The following TSPEAR variants were observed in gnomAD, a reference collection of about 807,000 sequenced individuals.
TSPEAR encodes the protein thrombospondin-type laminin G domain and EAR repeat-containing protein.
TSPEAR carries 69 observed loss-of-function variants against 71.6 expected under a neutral mutation model. That is an observed-to-expected ratio of 0.96 (90% confidence interval 0.79 to 1.18). The LOEUF (loss-of-function observed/expected upper bound fraction) is 1.18. TSPEAR is among the 50% of genes most tolerant of loss of function. The pLI, the probability that TSPEAR is intolerant of heterozygous loss-of-function variation, is 0.00. For missense variants in TSPEAR, 971 were observed against 894.9 expected, an observed-to-expected ratio of 1.09 and a Z score of -1.09; for synonymous variants, 402 against 387.2, an observed-to-expected ratio of 1.04 and a Z score of -0.45.
intron 1 of TSPEAR, chr21:44,574,127 G>A: frequency 6.3e-7 from 1 of 1,595,432 alleles, no homozygotes; most frequent in Non-Finnish European, 8.6e-7. Context: ...GCAAGCCTGT[G>A]TGCTGTGTGC....
At chr21:44,548,293 AG>A (rs1279402985) in intron 2 of TSPEAR, among the ~76,000 whole-genome samples, 3 of 152,060 alleles carry the variant, frequency 2.0e-5, no homozygotes, top group Admixed American at 6.5e-5. Context: ...CCAGCTGGGG[AG>A]TGGGGGATGG....
intron 11 of TSPEAR, among the ~76,000 whole-genome samples, chr21:44,500,223 G>A (rs587740795): frequency 3.2e-4 from 49 of 152,316 alleles, no homozygotes; most frequent in African/African-American, 4.6e-4. Flanking sequence ...ACCCCCAAAC[G>A]TGCAGTTCCG....
At chr21:44,524,992 G>C (rs370755522) in intron 8 of TSPEAR, among the ~76,000 whole-genome samples, 3 of 150,784 alleles carry the variant, frequency 2.0e-5, no homozygotes, top group Non-Finnish European at 4.4e-5. Context: ...GTCAGTCAGT[G>C]AGGCAGTCAG....
intron 1 of TSPEAR, among the ~76,000 whole-genome samples, chr21:44,705,855 GTCT>G (rs1987885886): frequency 4.2e-5 from 1 of 23,666 alleles, no homozygotes; most frequent in South Asian, 5.5e-4. Context: ...AGTACTTGCT[GTCT>G]GTCACCCACA....
chr21:44,591,075 C>T (rs1261938694), intron 1 of TSPEAR, among the ~76,000 whole-genome samples: 2 of 114,086 alleles, frequency 1.8e-5, no homozygotes, highest in Non-Finnish European at 2.0e-5. Flanking sequence ...TCACCCTGTG[C>T]CCCCCGGGGG....
At chr21:44,570,343 G>T (rs1555922354) in intron 1 of TSPEAR, among the ~76,000 whole-genome samples, 1 of 152,236 alleles carries the variant, frequency 6.6e-6, no homozygotes, top group Non-Finnish European at 1.5e-5. Flanking sequence ...TCAGCCTCCT[G>T]GGAGTGGACA....
At chr21:44,685,340 G>A (rs1372397237) in intron 1 of TSPEAR, among the ~76,000 whole-genome samples, 2 of 152,036 alleles carry the variant, frequency 1.3e-5, no homozygotes, top group Non-Finnish European at 2.9e-5. Context: ...GAGCTGGAGT[G>A]TGAGGAGGAG....
At position 44,685,760 on chromosome 21, in the gene TSPEAR, T is replaced by C. The variant is rs1240290888; in HGVS notation, c.82+25673A>G. Among the ~76,000 whole-genome samples the C allele has an allele frequency of 5.9e-5, 9 of 152,028 alleles. No individual in the cohort carries two copies. The East Asian group carries it at 9.6e-4, about 16-fold the overall frequency. ...CCGGTATAATTTGGCACAGTGGTAATGACCATGGATCCCAGAGTGAAACTA... is the reference window on the plus strand; with the variant it reads ...CCGGTATAATTTGGCACAGTGGTAACGACCATGGATCCCAGAGTGAAACTA... On this transcript the variant is annotated intron_variant, in intron 1 of 11. Coordinates refer to ENST00000323084, the MANE Select transcript of TSPEAR (RefSeq NM_144991.3).
rs1185563318 is a variant in TSPEAR at position 44,702,553 on chromosome 21, C to T, written c.82+8880G>A. The stretch of plus-strand genomic sequence containing the variant: ...CTCTGGGGCTTCCTCCCTGTGCTGC[C>T]AGCAGTCTAGCTGCCAGCCGGCTTG... On this transcript the variant is annotated intron_variant, in intron 1 of 11. Transcript: ENST00000323084. 5 of 1,609,806 alleles carry T rather than the reference C, an allele frequency of 3.1e-6. No individual in the cohort carries two copies. The Admixed American group carries it at 5.0e-5, about 16-fold the overall frequency.
At chr21:44,502,752 C>T (rs1247442810) in intron 11 of TSPEAR, among the ~76,000 whole-genome samples, 8 of 152,260 alleles carry the variant, frequency 5.3e-5, no homozygotes, top group Admixed American at 5.2e-4. Flanking sequence ...GAAATGACAC[C>T]TGACTTGGGA....
intron 1 of TSPEAR, among the ~76,000 whole-genome samples, chr21:44,696,649 G>A (rs1297250648): frequency 6.6e-6 from 1 of 152,174 alleles, no homozygotes; most frequent in Non-Finnish European, 1.5e-5. Flanking sequence ...TATAAAACAA[G>A]AAGAAAAACA....
intron 1 of TSPEAR, among the ~76,000 whole-genome samples, chr21:44,629,900 C>T (rs587602963): frequency 3.9e-5 from 6 of 152,228 alleles, no homozygotes; most frequent in South Asian, 4.1e-4. Context: ...GGGGATGGAG[C>T]GCAGGCCAGG....
rs149614965 is a variant in TSPEAR at position 44,612,781 on chromosome 21, C to T, written c.83-44776G>A. On this transcript the variant is annotated intron_variant, in intron 1 of 11. Transcript: ENST00000323084. This position sits in a 1 kb window ranked among gnomAD's most constrained non-coding sequence, Gnocchi z 4.1. ...CTGCCTGCTGTGTGCCTGTCCCCTC[C>T]TGTTGTGTCCCTGCCTCCTCCTGCC... 1.9e-5 allele frequency: 31 copies of T among 1,613,604 alleles called. 1 individual carries two copies. In the Middle Eastern group the frequency reaches 5.1e-4, roughly 26 times the overall value.
At chr21:44,580,551 A>G (rs781918572) in intron 1 of TSPEAR, 3 of 1,613,308 alleles carry the variant, frequency 1.9e-6, no homozygotes, top group South Asian at 1.1e-5. Context: ...CAAGCGCTGG[A>G]GCAGACGGAC....
chr21:44,705,606 T>C (rs1178730082), intron 1 of TSPEAR, among the ~76,000 whole-genome samples: 1 of 152,206 alleles, frequency 6.6e-6, no homozygotes, highest in African/African-American at 2.4e-5. Context: ...TGGTTGAGAC[T>C]GCAGGGGTGA....
intron 1 of TSPEAR, among the ~76,000 whole-genome samples, chr21:44,707,304 G>GT (rs1281934212): frequency 1.3e-5 from 2 of 151,938 alleles, no homozygotes; most frequent in Admixed American, 6.6e-5. Flanking sequence ...ACGCGGGGTG[G>GT]GGGGGGGTGC....
chr21:44,570,786 AAAC>A (rs2053782174), intron 1 of TSPEAR, among the ~76,000 whole-genome samples: 1 of 152,234 alleles, frequency 6.6e-6, no homozygotes, highest in Non-Finnish European at 1.5e-5. Context: ...TCAAATTGAT[AAAC>A]AATATGGAGA....
chr21:44,633,492 TTGTTA>T (rs1490251864), intron 1 of TSPEAR, among the ~76,000 whole-genome samples: 1 of 152,232 alleles, frequency 6.6e-6, no homozygotes, highest in Non-Finnish European at 1.5e-5. Context: ...AATCAACTGG[TTGTTA>T]TAAGTATGTG....
At chr21:44,569,851 A>C (rs1555922279) in intron 1 of TSPEAR, among the ~76,000 whole-genome samples, 1 of 152,096 alleles carries the variant, frequency 6.6e-6, no homozygotes, top group Non-Finnish European at 1.5e-5. Flanking sequence ...GGATTCTGGC[A>C]TCTTGGTGTG....
Sources: allele counts gnomAD v4.1 joint callset (sites outside exome capture counted in the v4.1 genomes callset), GRCh38; gene constraint gnomAD v4.1.1; non-coding constraint Gnocchi (gnomAD v3.1); transcripts MANE v1.5; gene names NCBI Gene and HGNC (gene_info 2026-07-23, HGNC 2026-07-21).